Variants in SLX4IP observed in about 807,000 individuals in gnomAD.
SLX4IP encodes the protein SLX4 interacting protein.
In SLX4IP, 34 loss-of-function variants were observed where a neutral mutation model predicts 32.9. The observed-to-expected ratio is 1.03, with a 90% CI of 0.79 to 1.38. SLX4IP has a LOEUF of 1.38. Among genes scored for constraint, SLX4IP ranks in the 40% most tolerant of loss-of-function variants. The pLI is 0.00. For synonymous variants in SLX4IP, 172 were observed against 171.7 expected, an observed-to-expected ratio of 1.00 and a Z score of -0.01; for missense variants, 444 against 479.0, an observed-to-expected ratio of 0.93 and a Z score of 0.68.
chr20:10,453,967 T>G (rs1430821161), intron 1 of SLX4IP, among the ~76,000 whole-genome samples: 1 of 152,186 alleles, frequency 6.6e-6, no homozygotes, highest in Non-Finnish European at 1.5e-5. Context: ...CTATCATTGT[T>G]TTAGTTTGTT....
intron 2 of SLX4IP, among the ~76,000 whole-genome samples, chr20:10,528,432 C>G (rs770172749): frequency 2.6e-5 from 4 of 152,106 alleles, no homozygotes; most frequent in Non-Finnish European, 4.4e-5. Context: ...GCCCATTTTC[C>G]CTTTCCTTTA....
intron 2 of SLX4IP, among the ~76,000 whole-genome samples, chr20:10,519,324 C>T (rs1169601596): frequency 6.6e-6 from 1 of 152,052 alleles, no homozygotes; most frequent in African/African-American, 2.4e-5. Context: ...CATTTCATCA[C>T]CCCCCCAAAA....
intron 2 of SLX4IP, among the ~76,000 whole-genome samples, chr20:10,522,818 C>A (rs942080565): frequency 6.6e-6 from 1 of 152,242 alleles, no homozygotes; most frequent in African/African-American, 2.4e-5. Context: ...GACCATCTCT[C>A]CTACCCCATG....
intron 6 of SLX4IP, among the ~76,000 whole-genome samples, chr20:10,616,298 G>A (rs549745306): frequency 1.1e-4 from 16 of 151,502 alleles, no homozygotes; most frequent in South Asian, 1.0e-3. Flanking sequence ...AATCATTGCC[G>A]AGGCCTCATC....
chr20:10,569,289 G>T (rs541869366), intron 4 of SLX4IP, among the ~76,000 whole-genome samples: 1 of 151,212 alleles, frequency 6.6e-6, no homozygotes, highest in African/African-American at 2.4e-5. Flanking sequence ...AGGTTCAAGC[G>T]ATTCTCCTGC....
intron 2 of SLX4IP, among the ~76,000 whole-genome samples, chr20:10,544,080 G>A (rs978371240): frequency 1.3e-5 from 2 of 152,156 alleles, no homozygotes; most frequent in Non-Finnish European, 2.9e-5. Flanking sequence ...CAGTGGTCGA[G>A]CCAGGCTCTG....
At chr20:10,580,248 G>C (rs1239033588) in intron 4 of SLX4IP, among the ~76,000 whole-genome samples, 23 of 152,096 alleles carry the variant, frequency 1.5e-4, no homozygotes, top group African/African-American at 5.1e-4. Flanking sequence ...ACCCTTCCAG[G>C]CTTGTCCCCC....
At chr20:10,466,750 GA>G (rs1198304591) in intron 2 of SLX4IP, among the ~76,000 whole-genome samples, 1 of 151,890 alleles carries the variant, frequency 6.6e-6, no homozygotes, top group Non-Finnish European at 1.5e-5. Flanking sequence ...TATTTTGGGA[GA>G]GGGGAGGGCT....
intron 2 of SLX4IP, among the ~76,000 whole-genome samples, chr20:10,519,988 G>A (rs541988626): frequency 2.7e-4 from 41 of 152,254 alleles, no homozygotes; most frequent in South Asian, 1.2e-3. Flanking sequence ...CTTTTCATGT[G>A]CTTATTGACT....
At chr20:10,543,597 T>G (rs225158) in intron 2 of SLX4IP, among the ~76,000 whole-genome samples, 151,886 of 152,318 alleles carry the variant, frequency 1, 75,728 homozygotes, top group East Asian at 1. Flanking sequence ...AGAAAGTGTG[T>G]CCAGTGAGGA....
At chr20:10,465,174 G>C (rs1490283236) in intron 2 of SLX4IP, among the ~76,000 whole-genome samples, 1 of 152,066 alleles carries the variant, frequency 6.6e-6, no homozygotes, top group Non-Finnish European at 1.5e-5. Flanking sequence ...TCTCCCCAAG[G>C]CTTCATAGCA....
intron 6 of SLX4IP, among the ~76,000 whole-genome samples, chr20:10,617,089 C>G (rs527772393): frequency 6.6e-6 from 1 of 152,344 alleles, no homozygotes; most frequent in African/African-American, 2.4e-5. Context: ...GATCCAAATT[C>G]TGAGGTGGAA....
intron 2 of SLX4IP, among the ~76,000 whole-genome samples, chr20:10,515,820 A>G (rs927496807): frequency 6.6e-6 from 1 of 152,214 alleles, no homozygotes; most frequent in Non-Finnish European, 1.5e-5. Context: ...TTTAAGAGAG[A>G]TAAAGTCTTT....
At chr20:10,563,759 C>A (rs1482324394) in intron 4 of SLX4IP, among the ~76,000 whole-genome samples, 1 of 152,110 alleles carries the variant, frequency 6.6e-6, no homozygotes, top group Non-Finnish European at 1.5e-5. Context: ...TGTTCCATTG[C>A]TCTATGTGTC....
chr20:10,493,400 C>T (rs1053355285), intron 2 of SLX4IP, among the ~76,000 whole-genome samples: 2 of 152,052 alleles, frequency 1.3e-5, no homozygotes, highest in Non-Finnish European at 2.9e-5. Flanking sequence ...TAGATTATCA[C>T]AGGATTTAGG....
At chr20:10,506,833 G>A (rs533155834) in intron 2 of SLX4IP, among the ~76,000 whole-genome samples, 3 of 152,314 alleles carry the variant, frequency 2.0e-5, no homozygotes, top group South Asian at 2.1e-4. Context: ...AGCAGGGGGT[G>A]TGGGAACGGA....
chr20:10,556,599 G>T (rs1390704905), intron 3 of SLX4IP, among the ~76,000 whole-genome samples: 2 of 152,036 alleles, frequency 1.3e-5, no homozygotes, highest in Admixed American at 6.5e-5. Context: ...TCAAAAAGAG[G>T]AGAAGAAGAA....
intron 4 of SLX4IP, among the ~76,000 whole-genome samples, chr20:10,568,862 G>A (rs904441877): frequency 1.3e-5 from 2 of 152,208 alleles, no homozygotes; most frequent in Non-Finnish European, 2.9e-5. Flanking sequence ...TTCGTGAGAT[G>A]AATTTAAGCC....
rs1447160262 is a variant in SLX4IP, at chr20:10,560,828, C to G, written c.238+8C>G. ...ATCCCTTGTCCTTAAAAGGTAGGCA[C>G]AGAGCACTTTGATTTTGGACAAAAA... is the stretch of plus-strand genomic sequence containing the variant. On this transcript the variant is annotated splice_region_variant and intron_variant, in intron 4 of 7. Transcript: ENST00000334534. The G allele has an allele frequency of 3.2e-6, 5 of 1,566,914 alleles. No homozygotes were observed. Among genetic ancestry groups the G allele is most frequent in the Non-Finnish European group, 4.3e-6 (5 of 1,161,670 alleles).
Sources: allele counts gnomAD v4.1 joint callset (sites outside exome capture counted in the v4.1 genomes callset), GRCh38; gene constraint gnomAD v4.1.1; transcripts MANE v1.5; gene names NCBI Gene and HGNC (gene_info 2026-07-23, HGNC 2026-07-21).